The following C12orf56 variants were observed in gnomAD, a reference collection of about 807,000 sequenced individuals.
C12orf56 encodes the protein chromosome 12 open reading frame 56.
Under a neutral mutation model 69.9 loss-of-function variants are expected in C12orf56, and 71 were observed. The observed-to-expected ratio is 1.02, with a 90% CI of 0.84 to 1.24. C12orf56 has a LOEUF of 1.24. Ranked by LOEUF, C12orf56 falls within the 50% of genes most tolerant of loss-of-function variation. The pLI, the probability that C12orf56 is intolerant of heterozygous loss-of-function variation, is 0.00. For synonymous variants in C12orf56, 276 were observed against 274.1 expected (o/e 1.01, Z -0.07); for missense variants, 732 against 738.5 (o/e 0.99, Z 0.10).
rs1256454184 is a variant in C12orf56 at position 64,265,135 on chromosome 12, T to A, written c.*2048A>T. ...CGTTGTCATCCTGCGGGTTCATCAGTACATTCTTTGTCCGGTTTGAGGTAA... is the reference window on the plus strand; with the variant it reads ...CGTTGTCATCCTGCGGGTTCATCAGAACATTCTTTGTCCGGTTTGAGGTAA... On this transcript the variant is annotated 3_prime_UTR_variant, in exon 13 of 13. Transcript: ENST00000543942. 3.3e-5 allele frequency: 5 copies of A among 152,244 alleles called. No individual in the cohort carries two copies. Among genetic ancestry groups the A allele is most frequent in the Non-Finnish European group, 5.9e-5 (4 of 68,080 alleles). 9.4% of individuals were successfully genotyped at this position (152,244 alleles called of 1,614,324 possible).
At chr12:64,353,828 C>A (rs996056081) in intron 1 of C12orf56, among the ~76,000 whole-genome samples, 18 of 152,192 alleles carry the variant, frequency 1.2e-4, no homozygotes, top group Admixed American at 3.3e-4. Context: ...GTTACAGGCA[C>A]CTGCGATCAC....
intron 1 of C12orf56, 29 bp downstream of exon 1, chr12:64,390,285 G>GA: frequency 6.3e-7 from 1 of 1,578,804 alleles, no homozygotes; most frequent in East Asian, 2.3e-5. Context: ...CTGCGCTCCC[G>GA]AGCCCGCCTG....
chr12:64,326,468 G>A (rs368601379), intron 3 of C12orf56, among the ~76,000 whole-genome samples: 10 of 152,160 alleles, frequency 6.6e-5, no homozygotes, highest in African/African-American at 2.2e-4. Context: ...AGTGGCTCAC[G>A]CCTATAATCC....
intron 10 of C12orf56, 136 bp from the exon 11 acceptor site, chr12:64,275,111 G>A (rs2010893): frequency 0.75 from 674,289 of 898,122 alleles, 257,067 homozygotes; most frequent in Non-Finnish European, 0.8. Flanking sequence ...AACTAGATGA[G>A]CACTTAAGAG....
chr12:64,370,510 G>A (rs1270542953), intron 1 of C12orf56, among the ~76,000 whole-genome samples: 3 of 151,672 alleles, frequency 2.0e-5, no homozygotes, highest in African/African-American at 7.3e-5. Flanking sequence ...AATTAGCTGG[G>A]TGTGGTGGCA....
intron 1 of C12orf56, among the ~76,000 whole-genome samples, chr12:64,358,702 G>A (rs1289323454): frequency 6.6e-6 from 1 of 151,510 alleles, no homozygotes; most frequent in Non-Finnish European, 1.5e-5. Context: ...GCTGAGGCAG[G>A]AGAATCACTT....
chr12:64,302,588 C>G (rs2038460740), intron 6 of C12orf56, among the ~76,000 whole-genome samples: 1 of 152,084 alleles, frequency 6.6e-6, no homozygotes, highest in African/African-American at 2.4e-5. Flanking sequence ...ATATAGCAAT[C>G]AACATGAACA....
chr12:64,267,768 G>A (rs2037934441), intron 12 of C12orf56: 1 of 153,572 alleles, frequency 6.5e-6, no homozygotes, highest in African/African-American at 2.4e-5. Flanking sequence ...TCTCAACCCT[G>A]ATGCACATTG....
At chr12:64,322,120 C>T (rs887262609) in intron 3 of C12orf56, among the ~76,000 whole-genome samples, 1 of 151,752 alleles carries the variant, frequency 6.6e-6, no homozygotes, top group Non-Finnish European at 1.5e-5. Context: ...GCTAGGATTA[C>T]AGGCATGAGC....
At chr12:64,342,319 T>C (rs1003332973) in intron 2 of C12orf56, among the ~76,000 whole-genome samples, 1 of 152,182 alleles carries the variant, frequency 6.6e-6, no homozygotes. Context: ...TTCTGCCCAA[T>C]GGGAAGATTT....
At position 64,303,775 on chromosome 12, in the gene C12orf56, C is replaced by T; in HGVS notation, c.973G>A (p.Glu325Lys). 1.9e-6 allele frequency: 3 copies of T among 1,576,700 alleles called. No homozygotes were observed. The highest frequency in any genetic ancestry group is 2.6e-6 in the Non-Finnish European group (3 of 1,167,418). Residue 325 changes from glutamate to lysine, a missense_variant, in exon 6 of 13, where the codon GAG (glutamate) becomes AAG (lysine). Coordinates refer to ENST00000543942, the MANE Select transcript of C12orf56 (RefSeq NM_001170633.2). ...TGACTGAAGTGCTTAATTTTCTCCTCAGACCTACAGAAACAGAAGAAAATT... is the reference window on the plus strand; with the variant it reads ...TGACTGAAGTGCTTAATTTTCTCCTTAGACCTACAGAAACAGAAGAAAATT... ...AIGSQKPYRSEEKIKHFSQLK... is the reference protein window; with the variant it reads ...AIGSQKPYRSKEKIKHFSQLK...
At chr12:64,314,258 T>C (rs1217946704) in intron 4 of C12orf56, among the ~76,000 whole-genome samples, 1 of 151,954 alleles carries the variant, frequency 6.6e-6, no homozygotes, top group Non-Finnish European at 1.5e-5. Flanking sequence ...GCCAATTTTT[T>C]ACTTTTTATT....
intron 4 of C12orf56, among the ~76,000 whole-genome samples, chr12:64,316,780 T>G (rs1371388566): frequency 2.0e-5 from 3 of 152,208 alleles, no homozygotes; most frequent in African/African-American, 7.2e-5. Context: ...TTGTAAAAAT[T>G]AAATAAGTTA....
At chr12:64,275,964 A>T (rs2038044962) in intron 9 of C12orf56, among the ~76,000 whole-genome samples, 2 of 149,886 alleles carry the variant, frequency 1.3e-5, no homozygotes. Flanking sequence ...CAATCAGATC[A>T]ACAACCCTAC....
Position 64,329,493 on chromosome 12 carries a change from GTTTATTTATTTATTTA to G in C12orf56, c.488+1451_488+1466del, listed in dbSNP as rs148485048. ...GTCGGATTATTTTTCTGTAGTAATG[GTTTATTTATTTATTTA>G]TTTATTTATTTATTTATTTATTTTT... On this transcript the variant is annotated intron_variant, in intron 3 of 12. Transcript: ENST00000543942. 6.1e-3 allele frequency among the ~76,000 whole-genome samples: 896 copies of G among 147,966 alleles called. 9 individuals are homozygous for G. The highest frequency in any genetic ancestry group is 0.021 in the African/African-American group (841 of 40,288).
In C12orf56 at chr12:64,275,383, C is replaced by A; in HGVS notation, c.1435-11G>T. The A allele has an allele frequency of 1.6e-6, 2 of 1,252,784 alleles. No homozygotes were observed. The highest frequency in any genetic ancestry group is 1.8e-5 in the South Asian group (1 of 56,388). 77.6% of individuals were successfully genotyped at this position (1,252,784 alleles called of 1,614,324 possible). ...AATAAGCTTCTGTAACTAGAATTTT[C>A]AAGAATAATCAATGCAATGTCATAA... is the stretch of plus-strand genomic sequence containing the variant. On this transcript the variant is annotated splice_polypyrimidine_tract_variant and intron_variant, in intron 9 of 12. Coordinates refer to ENST00000543942, the MANE Select transcript of C12orf56 (RefSeq NM_001170633.2).
intron 12 of C12orf56, among the ~76,000 whole-genome samples, chr12:64,269,733 C>T (rs1195373196): frequency 2.0e-5 from 3 of 151,974 alleles, no homozygotes; most frequent in East Asian, 3.9e-4. Context: ...GGATTACAGG[C>T]GTGCACCACC....
chr12:64,340,109 C>T lies in C12orf56; in HGVS notation c.416-9077G>A, dbSNP rs991621852. Among the ~76,000 whole-genome samples the T allele has an allele frequency of 2.6e-5, 4 of 152,080 alleles. 1 individual carries two copies. On this transcript the variant is annotated intron_variant, in intron 2 of 12. Coordinates refer to ENST00000543942, the MANE Select transcript of C12orf56 (RefSeq NM_001170633.2). ...GGCTGAAGAACAAGGAGAGCCAGTCCGAGTTCCAAAACTGAAGAACTTGGA... is the reference window on the plus strand; with the variant it reads ...GGCTGAAGAACAAGGAGAGCCAGTCTGAGTTCCAAAACTGAAGAACTTGGA...
intron 2 of C12orf56, among the ~76,000 whole-genome samples, chr12:64,332,547 T>A (rs926103900): frequency 2.0e-5 from 3 of 152,234 alleles, no homozygotes; most frequent in African/African-American, 7.2e-5. Flanking sequence ...TGATTTCTTC[T>A]GTCCTGATTT....
Sources: allele counts gnomAD v4.1 joint callset (sites outside exome capture counted in the v4.1 genomes callset), GRCh38; gene constraint gnomAD v4.1.1; transcripts MANE v1.5; gene names NCBI Gene and HGNC (gene_info 2026-07-23, HGNC 2026-07-21).